GRIA3: variants seen among roughly 807,000 people sequenced by gnomAD.
GRIA3 encodes the protein glutamate ionotropic receptor AMPA type subunit 3, also known as glutamate receptor 3.
In GRIA3, 3 loss-of-function variants were observed where a neutral mutation model predicts 63.0. The ratio of observed to expected loss-of-function variants is 0.05; its 90% confidence interval spans 0.02 to 0.12. The LOEUF (loss-of-function observed/expected upper bound fraction) is 0.12, where lower values mean the gene tolerates loss of function less well. Among genes scored for constraint, GRIA3 ranks in the 10% least tolerant of loss-of-function variants. The pLI is 1.00. For synonymous variants in GRIA3, 274 were observed against 257.9 expected, an observed-to-expected ratio of 1.06 and a Z score of -0.60; for missense variants, 347 against 700.9, an observed-to-expected ratio of 0.50 and a Z score of 5.70.
chrX:123,476,863 C>T (rs764209476), intron 13 of GRIA3, among the ~76,000 whole-genome samples: 1 of 111,433 alleles, frequency 9.0e-6, no homozygotes, highest in Non-Finnish European at 1.9e-5. Flanking sequence ...GGCCCCGACC[C>T]AGGTGTGACA....
At chrX:123,248,558 G>T (rs2044371711) in intron 2 of GRIA3, among the ~76,000 whole-genome samples, 1 of 111,705 alleles carries the variant, frequency 9.0e-6, no homozygotes, top group African/African-American at 3.3e-5. Flanking sequence ...GGCTGAGGCG[G>T]GTGGATCACC....
chrX:123,201,653 A>T (rs1170126500), intron 2 of GRIA3, among the ~76,000 whole-genome samples: 2 of 110,038 alleles, frequency 1.8e-5, no homozygotes, highest in African/African-American at 6.6e-5. Flanking sequence ...TCCCAAACAC[A>T]TTCCTAAAGC....
chrX:123,186,876 A>T (rs1927293339), intron 2 of GRIA3, among the ~76,000 whole-genome samples: 1 of 112,133 alleles, frequency 8.9e-6, no homozygotes, highest in South Asian at 3.8e-4. Flanking sequence ...CCGGGTGATT[A>T]TTCCTCTGAA....
intron 2 of GRIA3, among the ~76,000 whole-genome samples, chrX:123,238,133 G>A (rs757008038): frequency 8.9e-6 from 1 of 111,804 alleles, no homozygotes; most frequent in South Asian, 3.8e-4. Context: ...TTACAGCACT[G>A]AACCTAACTC....
chrX:123,375,099 A>C (rs1262827610), intron 5 of GRIA3, among the ~76,000 whole-genome samples: 2 of 111,305 alleles, frequency 1.8e-5, no homozygotes, highest in African/African-American at 6.5e-5. Flanking sequence ...TATTATGTTG[A>C]GGTATGTTCC....
intron 12 of GRIA3, among the ~76,000 whole-genome samples, chrX:123,458,990 T>A (rs191078060): frequency 8.9e-6 from 1 of 111,995 alleles, no homozygotes; most frequent in East Asian, 2.8e-4. Context: ...ACCATTAAAA[T>A]AAATTCTGTC....
At chrX:123,383,487 G>A (rs1294645725) in intron 5 of GRIA3, among the ~76,000 whole-genome samples, 4 of 110,668 alleles carry the variant, frequency 3.6e-5, no homozygotes, top group Non-Finnish European at 5.7e-5. Flanking sequence ...CTCTACTTCC[G>A]TGAGATCAAA....
intron 2 of GRIA3, among the ~76,000 whole-genome samples, chrX:123,190,410 G>A (rs1368665903): frequency 9.1e-6 from 1 of 109,577 alleles, no homozygotes; most frequent in Non-Finnish European, 1.9e-5. Context: ...ATTAAGTCAC[G>A]TTTTCACAAG....
chrX:123,342,890 T>A (rs1264194878), intron 4 of GRIA3, among the ~76,000 whole-genome samples: 1 of 111,588 alleles, frequency 9.0e-6, no homozygotes, highest in Non-Finnish European at 1.9e-5. Flanking sequence ...CAGTCTTTTT[T>A]TAATTGAATT....
At chrX:123,455,927 T>C (rs750894882) in intron 12 of GRIA3, among the ~76,000 whole-genome samples, 9 of 111,838 alleles carry the variant, frequency 8.0e-5, no homozygotes, top group Non-Finnish European at 1.5e-4. Flanking sequence ...GGCAAATCTT[T>C]GAATTTCTGT....
At chrX:123,354,077 G>T (rs1277468877) in intron 4 of GRIA3, among the ~76,000 whole-genome samples, 3 of 111,605 alleles carry the variant, frequency 2.7e-5, no homozygotes, top group African/African-American at 9.8e-5. Context: ...ATTAGACTTG[G>T]TACTAATATA....
intron 6 of GRIA3, 67 bp downstream of exon 6, chrX:123,395,196 A>T (rs889864672): frequency 4.4e-6 from 4 of 900,067 alleles, no homozygotes; most frequent in Non-Finnish European, 4.9e-6. Flanking sequence ...TGATCTTTAT[A>T]CACTAACAGT....
intron 3 of GRIA3, among the ~76,000 whole-genome samples, chrX:123,318,125 G>A (rs2044844210): frequency 8.9e-6 from 1 of 112,262 alleles, no homozygotes; most frequent in Non-Finnish European, 1.9e-5. Flanking sequence ...GAGCAGCTGG[G>A]ACACAAGGCA....
intron 10 of GRIA3, among the ~76,000 whole-genome samples, chrX:123,409,345 A>G (rs1158743690): frequency 8.9e-6 from 1 of 112,453 alleles, no homozygotes; most frequent in East Asian, 2.8e-4. Flanking sequence ...AAATGAATTA[A>G]ATTTGCTAAA....
intron 3 of GRIA3, among the ~76,000 whole-genome samples, chrX:123,315,513 A>G (rs2044825282): frequency 8.9e-6 from 1 of 112,596 alleles, no homozygotes; most frequent in Admixed American, 9.4e-5. Context: ...AATGTGCTAT[A>G]GAAGTCTTTC....
intron 2 of GRIA3, among the ~76,000 whole-genome samples, chrX:123,230,211 T>G (rs1405392168): frequency 1.8e-5 from 2 of 111,805 alleles, no homozygotes; most frequent in Non-Finnish European, 3.8e-5. Context: ...AATGCTCCCA[T>G]GTTGAACATT....
chrX:123,480,899 GC>G (rs754205448), intron 14 of GRIA3, among the ~76,000 whole-genome samples: 3 of 111,082 alleles, frequency 2.7e-5, no homozygotes, highest in Admixed American at 1.9e-4. Flanking sequence ...CCTCCTTCCT[GC>G]CCCCCTTCGC....
intron 12 of GRIA3, among the ~76,000 whole-genome samples, chrX:123,443,598 T>A (rs1482326140): frequency 9.0e-6 from 1 of 111,722 alleles, no homozygotes; most frequent in Non-Finnish European, 1.9e-5. Flanking sequence ...TCTCCTACTT[T>A]CCTTTACCCG....
chrX:123,306,143 A>C (rs1009504193), intron 3 of GRIA3, among the ~76,000 whole-genome samples: 1 of 112,323 alleles, frequency 8.9e-6, no homozygotes, highest in African/African-American at 3.2e-5. Flanking sequence ...TGGATAATTC[A>C]AAAGCAAGTA....
Sources: gnomAD v4.1 joint callset for allele counts (sites outside exome capture counted in the v4.1 genomes callset) on GRCh38, gnomAD v4.1.1 for gene constraint, MANE v1.5 for transcripts, NCBI Gene and HGNC (gene_info 2026-07-23, HGNC 2026-07-21) for gene names.